The following NEGR1 variants were observed in gnomAD, a reference collection of about 807,000 sequenced individuals.
NEGR1 encodes the protein neuronal growth regulator 1.
In NEGR1, 10 loss-of-function variants were observed where a neutral mutation model predicts 40.9. That is an observed-to-expected ratio of 0.24 (90% CI 0.15 to 0.42). The LOEUF (loss-of-function observed/expected upper bound fraction) is 0.42, where lower values mean the gene tolerates loss of function less well. Among genes scored for constraint, NEGR1 ranks in the 10% least tolerant of loss-of-function variants. The pLI is 1.00. For synonymous variants in NEGR1, 185 were observed against 166.8 expected (o/e 1.11, Z -0.84); for missense variants, 352 against 438.9 (o/e 0.80, Z 1.77).
intron 1 of NEGR1, among the ~76,000 whole-genome samples, chr1:71,983,468 C>T (rs1646370462): frequency 6.6e-6 from 1 of 152,060 alleles, no homozygotes; most frequent in African/African-American, 2.4e-5. Flanking sequence ...CTATGGACCA[C>T]ATAATGGAAG....
chr1:71,492,311 T>C (rs1006060596), intron 6 of NEGR1, among the ~76,000 whole-genome samples: 2 of 152,068 alleles, frequency 1.3e-5, no homozygotes, highest in African/African-American at 4.8e-5. Context: ...GGGCACGGGA[T>C]AAATTTTCTT....
intron 1 of NEGR1, among the ~76,000 whole-genome samples, chr1:72,057,069 A>T (rs1647117530): frequency 6.6e-6 from 1 of 151,556 alleles, no homozygotes; most frequent in African/African-American, 2.4e-5. Flanking sequence ...TCTTTCCCAC[A>T]ACTGCTGAGA....
chr1:71,531,587 T>A (rs1183098333), intron 6 of NEGR1, among the ~76,000 whole-genome samples: 2 of 151,268 alleles, frequency 1.3e-5, no homozygotes, highest in African/African-American at 4.8e-5. Flanking sequence ...AAAATTAGAT[T>A]CCCATGATGA....
chr1:71,744,342 A>AAAAAATAAT (rs372583063), intron 3 of NEGR1, among the ~76,000 whole-genome samples: 8 of 141,186 alleles, frequency 5.7e-5, no homozygotes, highest in African/African-American at 2.1e-4. Flanking sequence ...AGTACTCTGT[A>AAAAAATAAT]AATAATAATA....
intron 6 of NEGR1, among the ~76,000 whole-genome samples, chr1:71,491,012 A>AG (rs1474557179): frequency 6.6e-6 from 1 of 151,998 alleles, no homozygotes; most frequent in Non-Finnish European, 1.5e-5. Context: ...TAGCACAATT[A>AG]CCATGACAAG....
chr1:72,270,085 C>T (rs1159988667), intron 1 of NEGR1, among the ~76,000 whole-genome samples: 2 of 151,786 alleles, frequency 1.3e-5, no homozygotes, highest in South Asian at 2.1e-4. Flanking sequence ...GGATAAAGGA[C>T]TTGGATTGTA....
intron 1 of NEGR1, among the ~76,000 whole-genome samples, chr1:72,136,276 G>C (rs1650460799): frequency 6.6e-6 from 1 of 151,924 alleles, no homozygotes; most frequent in South Asian, 2.1e-4. Context: ...AGATATAGAG[G>C]ATATACAATT....
intron 6 of NEGR1, among the ~76,000 whole-genome samples, chr1:71,424,314 T>G (rs183012349): frequency 1.3e-5 from 2 of 152,334 alleles, no homozygotes; most frequent in East Asian, 3.9e-4. Flanking sequence ...CAAAATTATC[T>G]TTATTATTCA....
At chr1:71,423,830 CTT>C (rs34929033) in intron 6 of NEGR1, among the ~76,000 whole-genome samples, 22 of 141,412 alleles carry the variant, frequency 1.6e-4, no homozygotes, top group African/African-American at 4.6e-4. Context: ...CCCACCCCCC[CTT>C]TTTTTTTTTT....
chr1:71,795,027 A>G (rs1276280806), intron 2 of NEGR1, among the ~76,000 whole-genome samples: 1 of 152,122 alleles, frequency 6.6e-6, no homozygotes, highest in African/African-American at 2.4e-5. Context: ...AAAAATTTAA[A>G]TTAAAATGTC....
intron 1 of NEGR1, among the ~76,000 whole-genome samples, chr1:72,262,333 T>C (rs1655485372): frequency 6.6e-6 from 1 of 152,042 alleles, no homozygotes; most frequent in African/African-American, 2.4e-5. Context: ...TCTCCTGAAG[T>C]GAAAGCTCAA....
intron 1 of NEGR1, among the ~76,000 whole-genome samples, chr1:72,006,412 A>T (rs1314907095): frequency 6.6e-6 from 1 of 152,124 alleles, no homozygotes; most frequent in Non-Finnish European, 1.5e-5. Context: ...CCACCACAAA[A>T]TGTAATATAT....
At chr1:71,453,920 T>G (rs1007092000) in intron 6 of NEGR1, among the ~76,000 whole-genome samples, 16 of 152,124 alleles carry the variant, frequency 1.1e-4, no homozygotes, top group African/African-American at 3.6e-4. Context: ...AGAAATAACC[T>G]CTGCCCTTTT....
At chr1:71,705,788 A>T (rs536487149) in intron 3 of NEGR1, among the ~76,000 whole-genome samples, 2 of 151,880 alleles carry the variant, frequency 1.3e-5, no homozygotes, top group South Asian at 4.2e-4. Context: ...AAGGAAAGAA[A>T]GGAAAAGAAA....
intron 1 of NEGR1, among the ~76,000 whole-genome samples, chr1:72,142,753 T>TTTTG (rs1281858787): frequency 3.3e-5 from 5 of 151,870 alleles, no homozygotes; most frequent in African/African-American, 9.7e-5. Context: ...GTTTTTGTTT[T>TTTTG]TTTGTTTGTT....
chr1:71,984,766 C>A (rs1470765473), intron 1 of NEGR1, among the ~76,000 whole-genome samples: 1 of 151,966 alleles, frequency 6.6e-6, no homozygotes, highest in Admixed American at 6.6e-5. Flanking sequence ...ATTATTGATC[C>A]ATTAATGCCA....
chr1:72,115,133 G>A (rs923785770), intron 1 of NEGR1, among the ~76,000 whole-genome samples: 5 of 151,658 alleles, frequency 3.3e-5, no homozygotes, highest in African/African-American at 9.7e-5. Flanking sequence ...ATGTCAGTGT[G>A]AGGCAAAGAA....
chr1:71,916,434 T>C (rs1661586377), intron 2 of NEGR1, among the ~76,000 whole-genome samples: 1 of 152,030 alleles, frequency 6.6e-6, no homozygotes, highest in Non-Finnish European at 1.5e-5. Context: ...ACTGAAAATG[T>C]AAAGAATATA....
chr1:72,203,541 T>G (rs970905691), intron 1 of NEGR1, among the ~76,000 whole-genome samples: 1 of 152,150 alleles, frequency 6.6e-6, no homozygotes, highest in Admixed American at 6.6e-5. Flanking sequence ...GGTGATGATG[T>G]GTGAACATTA....
Sources: allele counts gnomAD v4.1 joint callset (sites outside exome capture counted in the v4.1 genomes callset), GRCh38; gene constraint gnomAD v4.1.1; transcripts MANE v1.5; gene names NCBI Gene and HGNC (gene_info 2026-07-23, HGNC 2026-07-21).